The following NPFFR1 variants were observed in gnomAD, a reference collection of about 807,000 sequenced individuals.
NPFFR1 encodes the protein G-protein coupled receptor 147.
In NPFFR1, 17 loss-of-function variants were observed where a neutral mutation model predicts 12.7. That is an observed-to-expected ratio of 1.34 (90% CI 0.92 to 2.01). The LOEUF (loss-of-function observed/expected upper bound fraction) is 2.01. NPFFR1 is among the 30% of genes most tolerant of loss of function. NPFFR1 has a pLI of 0.00. For missense variants in NPFFR1, 604 were observed against 606.5 expected, an observed-to-expected ratio of 1.00 and a Z score of 0.04; for synonymous variants, 296 against 264.5, an observed-to-expected ratio of 1.12 and a Z score of -1.16.
chr10:70,269,287 G>C (rs1311491830), intron 1 of NPFFR1, among the ~76,000 whole-genome samples: 1 of 151,996 alleles, frequency 6.6e-6, no homozygotes, highest in Non-Finnish European at 1.5e-5. Context: ...CTCCTGAGTA[G>C]CCGGGACTAC....
intron 1 of NPFFR1, among the ~76,000 whole-genome samples, chr10:70,281,758 G>A (rs1484183942): frequency 6.6e-6 from 1 of 152,090 alleles, no homozygotes; most frequent in Non-Finnish European, 1.5e-5. Context: ...GTATGCCATT[G>A]CAGAAGTGTC....
intron 1 of NPFFR1, among the ~76,000 whole-genome samples, chr10:70,267,354 A>G (rs1348656446): frequency 1.3e-5 from 2 of 152,072 alleles, no homozygotes; most frequent in African/African-American, 4.8e-5. Context: ...CACATCTATT[A>G]TTTTATTTAG....
Position 70,251,820 on chromosome 10 carries a change from A to G in NPFFR1, c.*3137T>C, listed in dbSNP as rs1218707067. On this transcript the variant is annotated 3_prime_UTR_variant, in exon 4 of 4. Transcript: ENST00000277942. ...CATAGGAATCCAGTGAGGATAATAA[A>G]TCTATAATTATAAAATAGCTTCATA... is the stretch of plus-strand genomic sequence containing the variant. 3 of 152,214 alleles carry G rather than the reference A, an allele frequency of 2.0e-5. No individual in the cohort carries two copies. The highest frequency in any genetic ancestry group is 4.4e-5 in the Non-Finnish European group (3 of 68,038). The allele number at this position is 152,214 out of a possible 1,614,324, so 9.4% of individuals were successfully genotyped here. A position where few individuals can be genotyped will look rare whatever the true frequency, so the allele number is the denominator to read the frequency against.
intron 1 of NPFFR1, among the ~76,000 whole-genome samples, chr10:70,271,599 A>G (rs1589914572): frequency 6.6e-6 from 1 of 152,174 alleles, no homozygotes; most frequent in African/African-American, 2.4e-5. Context: ...AGGTCATGTC[A>G]TCTCCCTGGA....
At chr10:70,259,390 G>A (rs1840611366) in intron 3 of NPFFR1, among the ~76,000 whole-genome samples, 1 of 152,332 alleles carries the variant, frequency 6.6e-6, no homozygotes, top group East Asian at 1.9e-4. Context: ...CAGTAAATGG[G>A]TGGAGGAGAA....
chr10:70,274,759 T>C (rs1392556600), intron 1 of NPFFR1, among the ~76,000 whole-genome samples: 1 of 152,208 alleles, frequency 6.6e-6, no homozygotes, highest in African/African-American at 2.4e-5. Context: ...CAGAGTAAAT[T>C]ACAAAGGGCC....
chr10:70,257,620 G>A (rs201965211), intron 3 of NPFFR1, among the ~76,000 whole-genome samples: 10 of 152,298 alleles, frequency 6.6e-5, no homozygotes, highest in South Asian at 2.1e-4. Context: ...AGACCTGACC[G>A]TCCCCCAGCC....
Position 70,255,087 on chromosome 10 carries a change from C to A in NPFFR1, c.1163G>T (p.Gly388Val), listed in dbSNP as rs1361879938. Reference protein sequence around the residue: ...PSDSGLPSESGPSSGAPRPGR... With the variant: ...PSDSGLPSESVPSSGAPRPGR... ...GGGCCTGGGGGCCCCACTGCTAGGGCCCGACTCAGAGGGCAGCCCGGAGTC... is the reference window on the plus strand; with the variant it reads ...GGGCCTGGGGGCCCCACTGCTAGGGACCGACTCAGAGGGCAGCCCGGAGTC... Residue 388 changes from glycine to valine, a missense_variant, in exon 4 of 4, where the codon GGC becomes GTC. Gly to Val is a moderately radical substitution (Grantham distance 109). Coordinates refer to ENST00000277942, the MANE Select transcript of NPFFR1 (RefSeq NM_022146.5). This position sits in a 1 kb window ranked among gnomAD's most constrained non-coding sequence, Gnocchi z 4.2. 2 of 1,465,770 alleles carry A rather than the reference C, an allele frequency of 1.4e-6. No homozygotes were observed. Among genetic ancestry groups the A allele is most frequent in the East Asian group, 2.5e-5 (1 of 39,292 alleles). The allele number at this position is 1,465,770 out of a possible 1,614,324, so 90.8% of individuals were successfully genotyped here. A position where few individuals can be genotyped will look rare whatever the true frequency, so the allele number is the denominator to read the frequency against.
rs542717744 is a variant in NPFFR1 at position 70,277,750 on chromosome 10, C to T, written c.7+5920G>A. On this transcript the variant is annotated intron_variant, in intron 1 of 3. Coordinates refer to ENST00000277942, the MANE Select transcript of NPFFR1 (RefSeq NM_022146.5). Reference sequence around the variant, plus strand: ...GGCTCCCAGAAAGGCTGGGGTTGGGCTGGGGTGGGGCTGGGGTTAGGCTGG... The same window carrying T: ...GGCTCCCAGAAAGGCTGGGGTTGGGTTGGGGTGGGGCTGGGGTTAGGCTGG... Among the ~76,000 whole-genome samples the T allele has an allele frequency of 3.3e-3, 505 of 151,800 alleles. 4 individuals carry two copies. The highest frequency in any genetic ancestry group is 5.2e-3 in the Non-Finnish European group (354 of 67,898).
At chr10:70,279,974 G>C (rs574009928) in intron 1 of NPFFR1, among the ~76,000 whole-genome samples, 1 of 152,300 alleles carries the variant, frequency 6.6e-6, no homozygotes, top group Admixed American at 6.5e-5. Flanking sequence ...GTGAGAACAT[G>C]TGGTATTTGT....
chr10:70,283,362 T>TC (rs1840881912), intron 1 of NPFFR1, among the ~76,000 whole-genome samples: 1 of 151,510 alleles, frequency 6.6e-6, no homozygotes, highest in South Asian at 2.1e-4. Context: ...TCTCTCTCTC[T>TC]TTCACACACA....
In NPFFR1 at chr10:70,270,802, C is replaced by T. The variant is rs1840737816; in HGVS notation, c.8-4411G>A. ...TGCCAGGTGCCCTTGTAATTACAGC[C>T]TGTGAAATTTTCATCCTTGAACCCG... On this transcript the variant is annotated intron_variant, in intron 1 of 3. Transcript: ENST00000277942. Among the ~76,000 whole-genome samples the T allele has an allele frequency of 1.3e-5, 2 of 152,122 alleles. 1 individual carries two copies. The highest frequency in any genetic ancestry group is 1.3e-4 in the Admixed American group (2 of 15,282).
At chr10:70,278,034 A>T in intron 1 of NPFFR1, 1 of 514,346 alleles carries the variant, frequency 1.9e-6, no homozygotes, top group South Asian at 1.4e-5. Flanking sequence ...GAGACCTGTC[A>T]GCCTCCACTT....
chr10:70,260,770 A>G (rs779249049), intron 2 of NPFFR1, 31 bp from the exon 3 acceptor site: 3 of 1,545,834 alleles, frequency 1.9e-6, no homozygotes, highest in African/African-American at 2.7e-5. Context: ...ACAGAGTGAG[A>G]GATGCCCACG....
chr10:70,264,040 C>T (rs1369482303), intron 2 of NPFFR1, among the ~76,000 whole-genome samples: 2 of 151,264 alleles, frequency 1.3e-5, no homozygotes, highest in African/African-American at 4.9e-5. Context: ...AAGCCATGAT[C>T]GTGCACTGCG....
At position 70,250,890 on chromosome 10, in the gene NPFFR1, GT is replaced by G. The variant is rs1840504145; in HGVS notation, c.*4066del. The G allele has an allele frequency of 6.6e-6, 1 of 152,210 alleles. No individual in the cohort carries two copies. The highest frequency in any genetic ancestry group is 1.9e-4 in the East Asian group (1 of 5,202). 9.4% of individuals were successfully genotyped at this position (152,210 alleles called of 1,614,324 possible). ...GCCTCAATAAAGCTGTTCCAAGAAT[GT>G]TAAATATATTGAGAGATATATGCAC... On this transcript the variant is annotated 3_prime_UTR_variant, in exon 4 of 4. Coordinates refer to ENST00000277942, the MANE Select transcript of NPFFR1 (RefSeq NM_022146.5).
At chr10:70,275,989 G>A (rs1840800812) in intron 1 of NPFFR1, among the ~76,000 whole-genome samples, 1 of 152,172 alleles carries the variant, frequency 6.6e-6, no homozygotes, top group Non-Finnish European at 1.5e-5. Flanking sequence ...CAGGACGCCT[G>A]TTCTGAGTTT....
At chr10:70,274,594 G>A (rs1295032788) in intron 1 of NPFFR1, among the ~76,000 whole-genome samples, 1 of 152,196 alleles carries the variant, frequency 6.6e-6, no homozygotes, top group East Asian at 1.9e-4. Context: ...ACTGATGATA[G>A]TAGACCCTAA....
At position 70,248,963 on chromosome 10, in the gene NPFFR1, A is replaced by C. The variant is rs1301084661; in HGVS notation, c.*5994T>G. ...GGGTTTGTTTCTTCCCCAGCTAGTC[A>C]CATGGCTCCCTCTCTCACTTCATAT... is the stretch of plus-strand genomic sequence containing the variant. On this transcript the variant is annotated 3_prime_UTR_variant, in exon 4 of 4. Coordinates refer to ENST00000277942, the MANE Select transcript of NPFFR1 (RefSeq NM_022146.5). The C allele has an allele frequency of 6.6e-6, 1 of 152,214 alleles. No individual in the cohort carries two copies. The highest frequency in any genetic ancestry group is 2.4e-5 in the African/African-American group (1 of 41,430). The allele number at this position is 152,214 out of a possible 1,614,324, so 9.4% of individuals were successfully genotyped here.
Sources: gnomAD v4.1 joint callset for allele counts (sites outside exome capture counted in the v4.1 genomes callset) on GRCh38, gnomAD v4.1.1 for gene constraint, Gnocchi (gnomAD v3.1) non-coding constraint, MANE v1.5 for transcripts, NCBI Gene and HGNC (gene_info 2026-07-23, HGNC 2026-07-21) for gene names.